Variants in FAM53B observed in about 807,000 individuals in gnomAD.
FAM53B encodes the protein protein FAM53B.
In FAM53B, 12 loss-of-function variants were observed where a neutral mutation model predicts 32.7. The observed-to-expected ratio is 0.37, with a 90% CI of 0.24 to 0.59. The LOEUF (loss-of-function observed/expected upper bound fraction) is 0.59, where lower values mean the gene tolerates loss of function less well. FAM53B is among the 20% of genes least tolerant of loss of function. FAM53B has a pLI of 0.72. For synonymous variants in FAM53B, 234 were observed against 228.7 expected, an observed-to-expected ratio of 1.02 and a Z score of -0.21; for missense variants, 477 against 577.7, an observed-to-expected ratio of 0.83 and a Z score of 1.79.
chr10:124,637,477 G>C (rs777741133), intron 4 of FAM53B, among the ~76,000 whole-genome samples: 1 of 151,934 alleles, frequency 6.6e-6, no homozygotes, highest in Non-Finnish European at 1.5e-5. Flanking sequence ...TGCAACTTGC[G>C]ACCGGGCACC....
At chr10:124,630,143 T>C (rs1589730297) in intron 4 of FAM53B, among the ~76,000 whole-genome samples, 1 of 152,172 alleles carries the variant, frequency 6.6e-6, no homozygotes, top group African/African-American at 2.4e-5. Flanking sequence ...CCAAGCGGGG[T>C]GGCTCACACC....
chr10:124,685,071 G>T lies in FAM53B; in HGVS notation c.134-2692C>A, dbSNP rs534518569. 3.3e-5 allele frequency among the ~76,000 whole-genome samples: 5 copies of T among 152,216 alleles called. No homozygotes were observed. The South Asian group carries it at 6.2e-4, about 19-fold the overall frequency. On this transcript the variant is annotated intron_variant, in intron 3 of 4. Coordinates refer to ENST00000337318, the MANE Select transcript of FAM53B (RefSeq NM_014661.4). Reference sequence around the variant, plus strand: ...AGCAGAGTTTCAAAGAATATTAAATGATGTGGGGAAATGCTAACAATATAA... The same window carrying T: ...AGCAGAGTTTCAAAGAATATTAAATTATGTGGGGAAATGCTAACAATATAA...
At chr10:124,677,662 G>A (rs1433568622) in intron 4 of FAM53B, among the ~76,000 whole-genome samples, 1 of 152,240 alleles carries the variant, frequency 6.6e-6, no homozygotes, top group Non-Finnish European at 1.5e-5. Context: ...ATCTCTGCCT[G>A]CTCTCTTGGC....
At chr10:124,740,501 C>T (rs967327089) in intron 1 of FAM53B, among the ~76,000 whole-genome samples, 2 of 152,134 alleles carry the variant, frequency 1.3e-5, no homozygotes, top group African/African-American at 4.8e-5. Context: ...CATATCTAAG[C>T]CTCTGGGTTT....
In FAM53B at chr10:124,674,571, C is replaced by T. The variant is rs568716928; in HGVS notation, c.906+7036G>A. On this transcript the variant is annotated intron_variant, in intron 4 of 4. Coordinates refer to ENST00000337318, the MANE Select transcript of FAM53B (RefSeq NM_014661.4). ...CTCTCCCACCAGCCCTCTGTCTCCT[C>T]GTCTCAGCCCACGCTCCCTGCTTCT... Among the ~76,000 whole-genome samples the T allele has an allele frequency of 1.6e-4, 24 of 152,350 alleles. No homozygotes were observed. In the South Asian group the frequency reaches 1.7e-3, roughly 11 times the overall value.
intron 1 of FAM53B, among the ~76,000 whole-genome samples, chr10:124,725,735 G>A (rs1950097828): frequency 6.6e-6 from 1 of 152,206 alleles, no homozygotes; most frequent in Non-Finnish European, 1.5e-5. Flanking sequence ...TTACCTAAAG[G>A]TAGGAAATAA....
chr10:124,638,678 A>G (rs1949449510), intron 4 of FAM53B, among the ~76,000 whole-genome samples: 1 of 152,224 alleles, frequency 6.6e-6, no homozygotes, highest in African/African-American at 2.4e-5. Context: ...ATGAAAGCAG[A>G]GACCCCAGGC....
chr10:124,703,873 C>T (rs1441195050), intron 2 of FAM53B: 1 of 152,558 alleles, frequency 6.6e-6, no homozygotes, highest in African/African-American at 2.4e-5. Context: ...CTGCTCTCCC[C>T]TGACTGCTTT....
Position 124,696,184 on chromosome 10 carries a change from G to C in FAM53B, c.107C>G (p.Pro36Arg). 6.2e-7 allele frequency: 1 copy of C among 1,614,088 alleles called. No homozygotes were observed. Among genetic ancestry groups the C allele is most frequent in the Non-Finnish European group, 8.5e-7 (1 of 1,179,940 alleles). Residue 36 changes from proline (P) to arginine (R), a missense_variant, in exon 3 of 5, where the codon CCT becomes CGT. Physicochemically the swap from Pro to Arg is moderately radical, Grantham distance 103. Coordinates refer to ENST00000337318, the MANE Select transcript of FAM53B (RefSeq NM_014661.4). Reference sequence around the variant, plus strand: ...CATAATTCCACAAGAGAAAAGTGTAGGTCCTTGACTCATCTTCTTTGGCGT... The same window carrying C: ...CATAATTCCACAAGAGAAAAGTGTACGTCCTTGACTCATCTTCTTTGGCGT... Reference protein sequence around the residue: ...LHTPKKMSQGPTLFSCGIMEN... With the variant: ...LHTPKKMSQGRTLFSCGIMEN...
chr10:124,635,350 G>A (rs1949423094), intron 4 of FAM53B, among the ~76,000 whole-genome samples: 2 of 152,308 alleles, frequency 1.3e-5, no homozygotes, highest in South Asian at 4.1e-4. Flanking sequence ...GCCTCCCAAA[G>A]TGCTGGGATT....
intron 4 of FAM53B, among the ~76,000 whole-genome samples, chr10:124,678,518 G>A (rs942682102): frequency 1.3e-5 from 2 of 152,176 alleles, no homozygotes; most frequent in Non-Finnish European, 2.9e-5. Flanking sequence ...GAGGCCTTCT[G>A]GTTTGTCAAT....
intron 3 of FAM53B, among the ~76,000 whole-genome samples, chr10:124,686,216 T>C (rs1949801868): frequency 6.6e-6 from 1 of 152,126 alleles, no homozygotes; most frequent in Admixed American, 6.5e-5. Flanking sequence ...ACAGATAAGA[T>C]CTATATGCAG....
At chr10:124,723,054 C>A (rs142500665) in intron 1 of FAM53B, among the ~76,000 whole-genome samples, 2 of 152,310 alleles carry the variant, frequency 1.3e-5, no homozygotes, top group African/African-American at 4.8e-5. Flanking sequence ...GGTGTCACCA[C>A]CTCCAGGAAG....
At chr10:124,724,965 T>G (rs962983672) in intron 1 of FAM53B, among the ~76,000 whole-genome samples, 1 of 152,202 alleles carries the variant, frequency 6.6e-6, no homozygotes, top group East Asian at 1.9e-4. Context: ...GGCAGAGTAC[T>G]GGGACAAGGA....
Position 124,733,547 on chromosome 10 carries a change from A to G in FAM53B, c.-175+10466T>C, listed in dbSNP as rs557370567. 6.6e-6 allele frequency among the ~76,000 whole-genome samples: 1 copy of G among 152,210 alleles called. No individual in the cohort carries two copies. The highest frequency in any genetic ancestry group is 1.5e-5 in the Non-Finnish European group (1 of 68,026). ...AAAGAAAAAAAAAAGGTAGTTTTAC[A>G]CTGAATCAGACTGTTTCAACTCACA... On this transcript the variant is annotated intron_variant, in intron 1 of 4. Transcript: ENST00000337318. The surrounding 1 kb of genome is among the most constrained non-coding windows in gnomAD (Gnocchi z 4.3).
At chr10:124,649,724 C>T (rs1467665535) in intron 4 of FAM53B, among the ~76,000 whole-genome samples, 1 of 152,182 alleles carries the variant, frequency 6.6e-6, no homozygotes, top group African/African-American at 2.4e-5. Context: ...TGGCGGTGTC[C>T]CTGGTCTCCC....
intron 4 of FAM53B, among the ~76,000 whole-genome samples, chr10:124,628,800 G>C (rs571561900): frequency 6.6e-6 from 1 of 152,346 alleles, no homozygotes; most frequent in East Asian, 1.9e-4. Flanking sequence ...GACAGGAGCT[G>C]TCCCTCCTCT....
intron 1 of FAM53B, among the ~76,000 whole-genome samples, chr10:124,721,609 G>A (rs897423140): frequency 1.3e-5 from 2 of 152,272 alleles, no homozygotes; most frequent in African/African-American, 4.8e-5. Context: ...ACTTATGGGA[G>A]ACAGTAAAGG....
At chr10:124,653,435 C>G (rs1337982425) in intron 4 of FAM53B, among the ~76,000 whole-genome samples, 3 of 152,222 alleles carry the variant, frequency 2.0e-5, no homozygotes, top group African/African-American at 7.2e-5. Flanking sequence ...TGAAAATACC[C>G]AGGCACTGCC....
Sources: allele counts gnomAD v4.1 joint callset (sites outside exome capture counted in the v4.1 genomes callset), GRCh38; gene constraint gnomAD v4.1.1; non-coding constraint Gnocchi (gnomAD v3.1); transcripts MANE v1.5; gene names NCBI Gene and HGNC (gene_info 2026-07-23, HGNC 2026-07-21).